Variants in CLEC4A observed in about 807,000 individuals in gnomAD.
CLEC4A encodes the protein C-type (calcium dependent, carbohydrate-recognition domain) lectin, superfamily member 6.
In CLEC4A, 27 loss-of-function variants were observed where a neutral mutation model predicts 32.7. The observed-to-expected ratio is 0.83, with a 90% confidence interval of 0.61 to 1.14. CLEC4A has a LOEUF of 1.14. CLEC4A is among the 50% of genes most tolerant of loss of function. The probability of loss-of-function intolerance (pLI) is 0.00; values close to 1 mark genes in which losing one functional copy is unlikely to be tolerated. For missense variants in CLEC4A, 253 were observed against 274.6 expected, an observed-to-expected ratio of 0.92 and a Z score of 0.55; for synonymous variants, 89 against 93.7, an observed-to-expected ratio of 0.95 and a Z score of 0.29.
At chr12:8,136,469 G>C (rs1181686961) in intron 4 of CLEC4A, among the ~76,000 whole-genome samples, 1 of 151,596 alleles carries the variant, frequency 6.6e-6, no homozygotes, top group African/African-American at 2.4e-5. Flanking sequence ...GGAGGCTGAG[G>C]CATGAGAATC....
At chr12:8,104,889 T>C in the CLEC4A span, among the ~76,000 whole-genome samples, 1 of 152,222 alleles carries the variant, frequency 6.6e-6, no homozygotes, top group African/African-American at 2.4e-5. Context: ...TCTATGTTGC[T>C]GCCAAGGACA....
At chr12:8,104,420 T>C in the CLEC4A span, among the ~76,000 whole-genome samples, 7 of 152,240 alleles carry the variant, frequency 4.6e-5, no homozygotes, top group African/African-American at 1.7e-4. Flanking sequence ...TAATTACAAA[T>C]CAAGCCATTT....
At chr12:8,135,436 C>G (rs1948095589) in intron 3 of CLEC4A, 149 bp from the exon 4 acceptor site, 6 of 685,966 alleles carry the variant, frequency 8.7e-6, no homozygotes, top group Non-Finnish European at 1.1e-5. Flanking sequence ...TTCCTTGACA[C>G]CTGAGGGGCA....
chr12:8,109,505 C>T, the CLEC4A span, among the ~76,000 whole-genome samples: 14 of 152,162 alleles, frequency 9.2e-5, no homozygotes, highest in African/African-American at 2.9e-4. Context: ...TCCTCATATA[C>T]GAAATTAAAA....
chr12:8,131,253 C>G (rs1355770079), intron 3 of CLEC4A, among the ~76,000 whole-genome samples: 1 of 152,208 alleles, frequency 6.6e-6, no homozygotes, highest in Non-Finnish European at 1.5e-5. Flanking sequence ...TGTGAAGTTA[C>G]TCTTTCCCTC....
At chr12:8,136,635 T>A (rs1209572986) in intron 4 of CLEC4A, among the ~76,000 whole-genome samples, 153 bp from the exon 5 acceptor site, 1 of 152,246 alleles carries the variant, frequency 6.6e-6, no homozygotes, top group Admixed American at 6.5e-5. Flanking sequence ...TCTTTGATTC[T>A]GCCCTGCTCA....
At chr12:8,131,673 C>T (rs780229353) in intron 3 of CLEC4A, among the ~76,000 whole-genome samples, 2 of 152,088 alleles carry the variant, frequency 1.3e-5, no homozygotes, top group African/African-American at 4.8e-5. Flanking sequence ...GCACTGTGGC[C>T]TAGATAAGTT....
the CLEC4A span, among the ~76,000 whole-genome samples, chr12:8,107,698 G>T: frequency 1.3e-5 from 2 of 149,794 alleles, no homozygotes; most frequent in African/African-American, 4.9e-5. Flanking sequence ...GTCTCTGAGG[G>T]TTTTTTGTAT....
At chr12:8,118,568 G>C in the CLEC4A span, among the ~76,000 whole-genome samples, 1 of 152,184 alleles carries the variant, frequency 6.6e-6, no homozygotes, top group Non-Finnish European at 1.5e-5. Context: ...CACACGACCA[G>C]AGCAGGAGGA....
At chr12:8,132,910 GTTTTTTTTTTGT>G (rs1478977448) in intron 3 of CLEC4A, among the ~76,000 whole-genome samples, 2 of 149,816 alleles carry the variant, frequency 1.3e-5, no homozygotes, top group East Asian at 3.9e-4. Flanking sequence ...GTTTGTTTTT[GTTTTTTTTTTGT>G]TTTTGTTTTT....
chr12:8,134,645 G>A, intron 3 of CLEC4A: 1 of 1,603,922 alleles, frequency 6.2e-7, no homozygotes, highest in South Asian at 1.1e-5. Flanking sequence ...TCCCCCCGCA[G>A]AACTCATACG....
At chr12:8,112,433 A>T in the CLEC4A span, among the ~76,000 whole-genome samples, 1 of 152,164 alleles carries the variant, frequency 6.6e-6, no homozygotes, top group African/African-American at 2.4e-5. Flanking sequence ...TGCCTAATTC[A>T]TATACTTAAT....
Position 8,135,651 on chromosome 12 carries a change from C to T in CLEC4A, c.365C>T (p.Thr122Ile). The change falls in exon 4 of 6, where the codon ACT becomes ATT. Residue 122 changes from threonine to isoleucine, a missense_variant. Coordinates refer to ENST00000229332, the MANE Select transcript of CLEC4A (RefSeq NM_016184.4). ...AGTTCCAACTGCTACTTTATTTCTA[C>T]TGAATCAGCATCTTGGCAAGACAGT... ...SFSSNCYFIS[T>I]ESASWQDSEK... The T allele has an allele frequency of 6.2e-7, 1 of 1,614,184 alleles. No individual in the cohort carries two copies. The highest frequency in any genetic ancestry group is 8.5e-7 in the Non-Finnish European group (1 of 1,180,008).
At chr12:8,127,271 TGGCAACTGGCA>T (rs1196702901) in intron 2 of CLEC4A, among the ~76,000 whole-genome samples, 1 of 152,214 alleles carries the variant, frequency 6.6e-6, no homozygotes, top group African/African-American at 2.4e-5. Flanking sequence ...TTTGTTCACA[TGGCAACTGGCA>T]GGCTTTTAAG....
upstream of CLEC4A, among the ~76,000 whole-genome samples, chr12:8,119,850 G>T (rs928806940): frequency 6.6e-6 from 1 of 152,144 alleles, no homozygotes; most frequent in East Asian, 1.9e-4. Flanking sequence ...GTTCCCAGGG[G>T]TGTCCTCACT....
At chr12:8,126,611 G>A (rs951601194) in intron 2 of CLEC4A, among the ~76,000 whole-genome samples, 1 of 152,124 alleles carries the variant, frequency 6.6e-6, no homozygotes, top group East Asian at 1.9e-4. Flanking sequence ...TCCATCTACT[G>A]TATGTCAGGC....
chr12:8,131,285 C>T (rs753026228), intron 3 of CLEC4A, among the ~76,000 whole-genome samples: 4 of 152,210 alleles, frequency 2.6e-5, no homozygotes, highest in Admixed American at 6.5e-5. Context: ...CCATACTACA[C>T]TCTTTGGAAG....
chr12:8,134,286 G>A, intron 3 of CLEC4A: 1 of 1,612,450 alleles, frequency 6.2e-7, no homozygotes, highest in Non-Finnish European at 8.5e-7. Flanking sequence ...CTAAGCTGCA[G>A]AGCCTCAAAG....
upstream of CLEC4A, among the ~76,000 whole-genome samples, chr12:8,119,522 C>G (rs181116362): frequency 4.6e-3 from 704 of 152,274 alleles, 5 homozygotes; most frequent in African/African-American, 0.016. Context: ...CCATGCCTAG[C>G]CTGTGTCTTT....
Sources: gnomAD v4.1 joint callset for allele counts (sites outside exome capture counted in the v4.1 genomes callset) on GRCh38, gnomAD v4.1.1 for gene constraint, MANE v1.5 for transcripts, NCBI Gene and HGNC (gene_info 2026-07-23, HGNC 2026-07-21) for gene names.